The following MCM7 variants were observed in gnomAD, a reference collection of about 807,000 sequenced individuals.
The protein encoded by MCM7 is DNA replication licensing factor MCM7.
In MCM7, 95 loss-of-function variants were observed where a neutral mutation model predicts 83.5. The ratio of observed to expected loss-of-function variants is 1.14; its 90% CI spans 0.96 to 1.35. The LOEUF is 1.35. MCM7 is among the 40% of genes most tolerant of loss of function. The probability of loss-of-function intolerance (pLI) is 0.00; values close to 1 mark genes in which losing one functional copy is unlikely to be tolerated. For missense variants in MCM7, 1,087 were observed against 957.4 expected (o/e 1.14, Z -1.79); for synonymous variants, 461 against 352.7 (o/e 1.31, Z -3.44).
At chr7:100,097,484 T>G in intron 9 of MCM7, 100 bp from the exon 10 acceptor site, 1 of 1,573,560 alleles carries the variant, frequency 6.4e-7, no homozygotes, top group Non-Finnish European at 8.7e-7. Flanking sequence ...CCCAGCACTA[T>G]TTCTAAGCCC....
chr7:100,099,190 G>A lies in MCM7; in HGVS notation c.415C>T (p.Gln139Ter), dbSNP rs1054083917. 3.0e-5 allele frequency: 48 copies of A among 1,614,092 alleles called. No homozygotes were observed. The highest frequency in any genetic ancestry group is 4.0e-5 in the Non-Finnish European group (47 of 1,180,024). The change falls in exon 5 of 15, where the codon CAA becomes TAA. Residue 139 changes from glutamine (Q) to a stop codon, truncating the protein, a stop_gained. Coordinates refer to ENST00000303887, the MANE Select transcript of MCM7 (RefSeq NM_005916.5). LOFTEE classifies it high-confidence loss of function. ...CGAGGCTTGTTGCTGCTAGGGCCTTGAAAATACAGCTCACTAAGGGGAGAA... is the reference window on the plus strand; with the variant it reads ...CGAGGCTTGTTGCTGCTAGGGCCTTAAAAATACAGCTCACTAAGGGGAGAA... ...ELMRRFELYF[Q>*]GPSSNKPRVI... is the part of the protein sequence containing the mutation.
At chr7:100,101,007 C>T in intron 1 of MCM7, 4 of 827,352 alleles carry the variant, frequency 4.8e-6, no homozygotes, top group Admixed American at 6.3e-5. Context: ...GCCGGGTTAG[C>T]GCGCCCCCAA....
intron 1 of MCM7, chr7:100,100,660 TC>T (rs1383393709): frequency 1.0e-6 from 1 of 989,924 alleles, no homozygotes; most frequent in Non-Finnish European, 1.2e-6. Context: ...CTGCCGCCTT[TC>T]CCGGGCCCGA....
rs745971347 is a variant in MCM7 at position 100,097,665 on chromosome 7, G to A, written c.1066C>T (p.Leu356Phe). 6.8e-6 allele frequency: 11 copies of A among 1,614,090 alleles called. No individual in the cohort carries two copies. In the Admixed American group the frequency reaches 1.3e-4, roughly 20 times the overall value. The change falls in exon 9 of 15, where the codon CTC becomes TTC. Residue 356 changes from leucine (L) to phenylalanine (F), a missense_variant. Coordinates refer to ENST00000303887, the MANE Select transcript of MCM7 (RefSeq NM_005916.5). ...TGGTCCACACCCCCGACTAGCAGGA[G>A]CAGCAGTGCCTTCTTCACATCTTCA... is the stretch of plus-strand genomic sequence containing the variant. The part of the protein sequence containing the change: ...GHEDVKKALL[L>F]LLVGGVDQSP...
chr7:100,093,111 T>A lies in MCM7; in HGVS notation c.1981A>T (p.Ile661Leu). The A allele has an allele frequency of 1.9e-6, 3 of 1,613,890 alleles. No homozygotes were observed. Among genetic ancestry groups the A allele is most frequent in the Non-Finnish European group, 2.5e-6 (3 of 1,179,924 alleles). Residue 661 changes from isoleucine to leucine, a missense_variant, in exon 15 of 15, where the codon ATA becomes TTA. Transcript: ENST00000303887. The stretch of plus-strand genomic sequence containing the variant: ...ACCAGTTCACGGACGGTGGCAAATA[T>A]CACATCTGCTGGTCTCTGAGTCCTG... ...TARTQRPADV[I>L]FATVRELVSG... is the part of the protein sequence containing the mutation.
intron 10 of MCM7, 83 bp from the exon 11 acceptor site, chr7:100,096,250 C>T (rs552737059): frequency 4.9e-5 from 68 of 1,377,426 alleles, no homozygotes; most frequent in Middle Eastern, 2.0e-4. Context: ...GCCAGGGAGG[C>T]GAGGCCTGCG....
intron 6 of MCM7, 28 bp from the exon 7 acceptor site, chr7:100,098,318 A>G (rs1024010970): frequency 6.2e-7 from 1 of 1,611,562 alleles, no homozygotes; most frequent in Non-Finnish European, 8.5e-7. Context: ...ACATAAGACT[A>G]GGAGAAATGG....
chr7:100,099,474 C>G, intron 3 of MCM7, 71 bp from the exon 4 acceptor site: 17 of 1,585,010 alleles, frequency 1.1e-5, no homozygotes, highest in Non-Finnish European at 1.5e-5. Context: ...CAGAGAACAC[C>G]AGGCAGAAGT....
chr7:100,100,945 C>A (rs1287931944), intron 1 of MCM7: 5 of 1,055,564 alleles, frequency 4.7e-6, no homozygotes, highest in Non-Finnish European at 6.2e-6. Flanking sequence ...AGCCCAGAGC[C>A]CTTAAGACTC....
At chr7:100,098,895 C>A in intron 5 of MCM7, 128 bp downstream of exon 5, 1 of 1,402,872 alleles carries the variant, frequency 7.1e-7, no homozygotes, top group Non-Finnish European at 9.7e-7. Flanking sequence ...ACTACATACC[C>A]AAGAATGAAA....
intron 10 of MCM7, among the ~76,000 whole-genome samples, chr7:100,096,772 A>C (rs929782463): frequency 6.6e-6 from 1 of 152,002 alleles, no homozygotes; most frequent in African/African-American, 2.4e-5. Context: ...CTCCGTCTCA[A>C]AAAAAACAAA....
chr7:100,100,701 C>CT, intron 1 of MCM7: 1 of 990,122 alleles, frequency 1.0e-6, no homozygotes, highest in Non-Finnish European at 1.2e-6. Context: ...GCACGCCCCC[C>CT]CGGGCCGCAG....
rs200004788 is a variant in MCM7 at position 100,097,753 on chromosome 7, G to C, written c.986-8C>G. On this transcript the variant is annotated splice_region_variant and splice_polypyrimidine_tract_variant and intron_variant, in intron 8 of 14. Coordinates refer to ENST00000303887, the MANE Select transcript of MCM7 (RefSeq NM_005916.5). ...TTTCGTAGAAATCCTCCTCTGTAGA[G>C]AAGTTAAGGTTGTTTTATTTTCTGG... 1.2e-6 allele frequency: 2 copies of C among 1,614,076 alleles called. No homozygotes were observed. The highest frequency in any genetic ancestry group is 1.7e-6 in the Non-Finnish European group (2 of 1,180,052).
In MCM7 at chr7:100,099,011, C is replaced by T. The variant is rs767308162; in HGVS notation, c.582+12G>A. On this transcript the variant is annotated intron_variant, in intron 5 of 14. Coordinates refer to ENST00000303887, the MANE Select transcript of MCM7 (RefSeq NM_005916.5). The stretch of plus-strand genomic sequence containing the variant: ...TGGGTAAGTGCTTTCCTGCTTCTTG[C>T]TCCACACGTACCGGCTGGTAGGTCT... The T allele has an allele frequency of 7.4e-6, 12 of 1,613,692 alleles. No individual in the cohort carries two copies. Among genetic ancestry groups the T allele is most frequent in the Non-Finnish European group, 9.3e-6 (11 of 1,179,736 alleles).
intron 1 of MCM7, 97 bp from the exon 2 acceptor site, chr7:100,100,190 T>C: frequency 6.7e-7 from 1 of 1,499,382 alleles, no homozygotes; most frequent in Non-Finnish European, 8.9e-7. Context: ...TAATTAATAA[T>C]ATGAGCATTT....
intron 9 of MCM7, 98 bp from the exon 10 acceptor site, chr7:100,097,482 T>C: frequency 1.3e-6 from 2 of 1,572,552 alleles, no homozygotes; most frequent in South Asian, 2.2e-5. Flanking sequence ...CACCCAGCAC[T>C]ATTTCTAAGC....
At position 100,100,047 on chromosome 7, in the gene MCM7, G is replaced by A. The variant is rs755315419; in HGVS notation, c.78C>T (p.Leu26=). ...TCCCATACTTGAACTGCTTCTTCCCGAGTTCATCATCCTGGTAGAACTCTT... is the reference window on the plus strand; with the variant it reads ...TCCCATACTTGAACTGCTTCTTCCCAAGTTCATCATCCTGGTAGAACTCTT... ...FLQEFYQDDE[L]GKKQFKYGNQ... is the part of the protein sequence containing the mutation. The change falls in exon 2 of 15, where the codon CTC becomes CTT. Residue 26 remains leucine, a synonymous_variant. Coordinates refer to ENST00000303887, the MANE Select transcript of MCM7 (RefSeq NM_005916.5). 5.0e-6 allele frequency: 8 copies of A among 1,613,998 alleles called. No individual in the cohort carries two copies. The East Asian group carries it at 1.6e-4, about 31-fold the overall frequency.
intron 13 of MCM7, chr7:100,093,726 G>A (rs545050600): frequency 1.5e-6 from 1 of 646,380 alleles, no homozygotes; most frequent in East Asian, 3.4e-5. Flanking sequence ...GATGGAGCTT[G>A]GGGAGCTCAG....
rs753491906 is a variant in MCM7 at position 100,101,248 on chromosome 7, G to C, written c.31+16C>G. ...CTCCCCGCGCAGGACGCCCTCCCGG[G>C]CTCGTAGACCCGTACCCTTCTCTAG... On this transcript the variant is annotated intron_variant, in intron 1 of 14. Coordinates refer to ENST00000303887, the MANE Select transcript of MCM7 (RefSeq NM_005916.5). 3.1e-6 allele frequency: 5 copies of C among 1,612,896 alleles called. No individual in the cohort carries two copies. The highest frequency in any genetic ancestry group is 1.1e-5 in the South Asian group (1 of 91,090).
Sources: allele counts gnomAD v4.1 joint callset (sites outside exome capture counted in the v4.1 genomes callset), GRCh38; gene constraint gnomAD v4.1.1; transcripts MANE v1.5; gene names NCBI Gene and HGNC (gene_info 2026-07-23, HGNC 2026-07-21).